The following MEGF11 variants were observed in gnomAD, a reference collection of about 807,000 sequenced individuals.
MEGF11 encodes multiple EGF like domains 11.
A neutral mutation model predicts 146.6 loss-of-function variants in MEGF11; 126 were observed. The ratio of observed to expected loss-of-function variants is 0.86; its 90% CI spans 0.74 to 1.00. The LOEUF is 1.00. MEGF11 is among the 50% of genes least tolerant of loss of function. MEGF11 has a pLI of 0.00. For synonymous variants in MEGF11, 532 were observed against 583.4 expected, an observed-to-expected ratio of 0.91 and a Z score of 1.27; for missense variants, 1,509 against 1,521.2, an observed-to-expected ratio of 0.99 and a Z score of 0.13.
chr15:65,966,626 G>T (rs569373303), intron 8 of MEGF11, among the ~76,000 whole-genome samples: 49 of 152,198 alleles, frequency 3.2e-4, no homozygotes, highest in African/African-American at 1.1e-3. Context: ...TTGGAAGAAG[G>T]TCCCCTCAAG....
At chr15:66,088,100 A>G (rs779965105) in intron 5 of MEGF11, among the ~76,000 whole-genome samples, 2 of 152,222 alleles carry the variant, frequency 1.3e-5, no homozygotes, top group Non-Finnish European at 2.9e-5. Flanking sequence ...TTCCTGGAAA[A>G]TTACAACCCT....
intron 5 of MEGF11, among the ~76,000 whole-genome samples, chr15:66,063,392 G>A (rs1205409372): frequency 6.6e-6 from 1 of 152,182 alleles, no homozygotes; most frequent in Non-Finnish European, 1.5e-5. Flanking sequence ...GTCTTGGTGA[G>A]CAATGAGAGA....
rs2092409255 is a variant in MEGF11 at position 66,253,721 on chromosome 15, G to T, written c.-125C>A. ...GGGGGCCGCGAGCAGCCGGGAGCCGGGCGGCGGGCAGCGGGCACCGGGAGC... is the reference window on the plus strand; with the variant it reads ...GGGGGCCGCGAGCAGCCGGGAGCCGTGCGGCGGGCAGCGGGCACCGGGAGC... On this transcript the variant is annotated 5_prime_UTR_variant, in exon 1 of 26. Transcript: ENST00000395614. 6.6e-6 allele frequency: 1 copy of T among 152,374 alleles called. No homozygotes were observed. The highest frequency in any genetic ancestry group is 1.5e-5 in the Non-Finnish European group (1 of 68,296). 9.4% of individuals were successfully genotyped at this position (152,374 alleles called of 1,614,324 possible).
intron 1 of MEGF11, among the ~76,000 whole-genome samples, chr15:66,214,462 G>C (rs2091537151): frequency 6.6e-6 from 1 of 152,226 alleles, no homozygotes; most frequent in African/African-American, 2.4e-5. Flanking sequence ...TGATCTGGGA[G>C]GTCTCGGGCA....
At chr15:65,920,236 C>G (rs1022011332) in intron 15 of MEGF11, among the ~76,000 whole-genome samples, 1 of 152,230 alleles carries the variant, frequency 6.6e-6, no homozygotes, top group Non-Finnish European at 1.5e-5. Context: ...CTGTGGCAGG[C>G]TGGCTGATTT....
chr15:66,068,446 C>G (rs1265541884), intron 5 of MEGF11, among the ~76,000 whole-genome samples: 1 of 152,176 alleles, frequency 6.6e-6, no homozygotes, highest in African/African-American at 2.4e-5. Context: ...AAAAATATCT[C>G]CAGACATTGC....
intron 5 of MEGF11, among the ~76,000 whole-genome samples, chr15:65,999,526 C>T (rs1339635410): frequency 3.3e-5 from 5 of 152,298 alleles, no homozygotes; most frequent in African/African-American, 9.6e-5. Flanking sequence ...CATCAGGCCC[C>T]TGAGCTTTGG....
intron 9 of MEGF11, among the ~76,000 whole-genome samples, chr15:65,958,850 G>A (rs1378398035): frequency 6.6e-6 from 1 of 152,216 alleles, no homozygotes; most frequent in Non-Finnish European, 1.5e-5. Flanking sequence ...CACCAAAGAA[G>A]TGCTGGGTGG....
At chr15:65,932,316 G>A (rs184230081) in intron 10 of MEGF11, among the ~76,000 whole-genome samples, 15 of 152,282 alleles carry the variant, frequency 9.9e-5, no homozygotes, top group Admixed American at 8.5e-4. Context: ...GGAGGGCGAT[G>A]TCTATAGAGG....
At chr15:66,141,370 G>A (rs1397022234) in intron 1 of MEGF11, among the ~76,000 whole-genome samples, 1 of 151,684 alleles carries the variant, frequency 6.6e-6, no homozygotes, top group Non-Finnish European at 1.5e-5. Flanking sequence ...TTGGAGCAGC[G>A]GAGGGGAGGA....
At chr15:66,126,661 G>C (rs77670558) in intron 2 of MEGF11, among the ~76,000 whole-genome samples, 1,875 of 152,264 alleles carry the variant, frequency 0.012, 22 homozygotes, top group Middle Eastern at 0.017. Flanking sequence ...GCACTCGAGG[G>C]GCTGTGAGGC....
At chr15:66,205,178 T>C (rs2091268424) in intron 1 of MEGF11, among the ~76,000 whole-genome samples, 1 of 152,110 alleles carries the variant, frequency 6.6e-6, no homozygotes, top group African/African-American at 2.4e-5. Context: ...CAGTGGCTCA[T>C]GCCTGGAGTT....
intron 1 of MEGF11, among the ~76,000 whole-genome samples, chr15:66,214,682 C>T (rs1291290301): frequency 1.3e-5 from 2 of 152,026 alleles, no homozygotes; most frequent in African/African-American, 4.8e-5. Context: ...TCCCACACAC[C>T]CTCCTTCTCA....
chr15:65,999,466 C>T (rs1001035552), intron 5 of MEGF11, among the ~76,000 whole-genome samples: 3 of 152,194 alleles, frequency 2.0e-5, no homozygotes, highest in African/African-American at 7.2e-5. Flanking sequence ...CTGCTTCCTC[C>T]ACCTCATGTG....
At chr15:66,000,880 G>T (rs1469624568) in intron 5 of MEGF11, among the ~76,000 whole-genome samples, 1 of 152,222 alleles carries the variant, frequency 6.6e-6, no homozygotes, top group African/African-American at 2.4e-5. Flanking sequence ...ATAGCCTCAG[G>T]GCTGGGAAAG....
intron 5 of MEGF11, among the ~76,000 whole-genome samples, chr15:66,056,054 T>C (rs576136849): frequency 6.8e-4 from 103 of 152,268 alleles, no homozygotes; most frequent in African/African-American, 2.4e-3. Context: ...TGTGAGCGTG[T>C]TAGAAATGCA....
chr15:66,179,053 T>G (rs1189816952), intron 1 of MEGF11, among the ~76,000 whole-genome samples: 1 of 147,750 alleles, frequency 6.8e-6, no homozygotes, highest in Non-Finnish European at 1.5e-5. Context: ...ACTTTCACTC[T>G]CCGGATATCT....
intron 7 of MEGF11, among the ~76,000 whole-genome samples, chr15:65,971,729 C>T (rs1399008060): frequency 6.6e-6 from 1 of 152,196 alleles, no homozygotes; most frequent in African/African-American, 2.4e-5. Flanking sequence ...CCCCAGGTGT[C>T]CAATTGGCTT....
At chr15:66,148,831 G>A (rs915324383) in intron 1 of MEGF11, among the ~76,000 whole-genome samples, 3 of 152,212 alleles carry the variant, frequency 2.0e-5, no homozygotes, top group Non-Finnish European at 4.4e-5. Flanking sequence ...TAGAGCAGAG[G>A]CTGCTTAAGG....
Sources: allele counts gnomAD v4.1 joint callset (sites outside exome capture counted in the v4.1 genomes callset), GRCh38; gene constraint gnomAD v4.1.1; transcripts MANE v1.5; gene names NCBI Gene and HGNC (gene_info 2026-07-23, HGNC 2026-07-21).